The following MICAL3 variants were observed in gnomAD, a reference collection of about 807,000 sequenced individuals.
MICAL3 encodes [F-actin]-monooxygenase MICAL3.
MICAL3 carries 62 observed loss-of-function variants against 207.4 expected under a neutral mutation model. The ratio of observed to expected loss-of-function variants is 0.30; its 90% CI spans 0.24 to 0.37. The LOEUF is 0.37. Among genes scored for constraint, MICAL3 ranks in the 10% least tolerant of loss-of-function variants. The pLI is 1.00. For missense variants in MICAL3, 2,368 were observed against 2,635.6 expected (o/e 0.90, Z 2.22); for synonymous variants, 1,077 against 1,069.3 (o/e 1.01, Z -0.14).
rs1056693868 is a variant in MICAL3, at chr22:17,788,843, G to T, written c.*1889C>A. On this transcript the variant is annotated 3_prime_UTR_variant, in exon 32 of 32. Coordinates refer to ENST00000441493, the MANE Select transcript of MICAL3 (RefSeq NM_015241.3). Reference sequence around the variant, plus strand: ...AAGCACAGTGTGGTTCCCATGGAAAGCCCAAGGTCAGCACAGCCACTCAGC... The same window carrying T: ...AAGCACAGTGTGGTTCCCATGGAAATCCCAAGGTCAGCACAGCCACTCAGC... 1 of 152,438 alleles carries T rather than the reference G, an allele frequency of 6.6e-6. No homozygotes were observed. The highest frequency in any genetic ancestry group is 6.5e-5 in the Admixed American group (1 of 15,300). 9.4% of individuals were successfully genotyped at this position (152,438 alleles called of 1,614,324 possible).
chr22:17,874,308 GGACA>G (rs1182105669), intron 16 of MICAL3, among the ~76,000 whole-genome samples: 1 of 152,150 alleles, frequency 6.6e-6, no homozygotes, highest in Non-Finnish European at 1.5e-5. Context: ...CTGAGGCTTG[GGACA>G]GACAGACACC....
chr22:17,900,485 C>G lies in MICAL3; in HGVS notation c.847+357G>C, dbSNP rs1931230726. On this transcript the variant is annotated intron_variant, in intron 6 of 31. Coordinates refer to ENST00000441493, the MANE Select transcript of MICAL3 (RefSeq NM_015241.3). The surrounding 1 kb of genome is among the most constrained non-coding windows in gnomAD (Gnocchi z 4.0). ...GGCATGGTGGAGCTTGCCTGTAGTC[C>G]CAGCTACTCAGGAGGCTGAGATGGG... Among the ~76,000 whole-genome samples the G allele has an allele frequency of 6.6e-6, 1 of 152,038 alleles. No homozygotes were observed. Among genetic ancestry groups the G allele is most frequent in the South Asian group, 2.1e-4 (1 of 4,814 alleles).
At chr22:18,023,511 G>T (rs1433184786) in intron 1 of MICAL3, among the ~76,000 whole-genome samples, 1 of 152,218 alleles carries the variant, frequency 6.6e-6, no homozygotes, top group Non-Finnish European at 1.5e-5. Context: ...GAGAGAGGAG[G>T]GAAGGGGTTG....
At chr22:18,014,754 G>C (rs2063519564) in intron 1 of MICAL3, among the ~76,000 whole-genome samples, 1 of 152,196 alleles carries the variant, frequency 6.6e-6, no homozygotes, top group African/African-American at 2.4e-5. Context: ...AGCAATTTGG[G>C]AGGCTGAGGC....
intron 1 of MICAL3, among the ~76,000 whole-genome samples, chr22:17,909,960 G>A (rs1360959396): frequency 6.6e-6 from 1 of 152,222 alleles, no homozygotes; most frequent in Non-Finnish European, 1.5e-5. Flanking sequence ...TCCTGACCCT[G>A]TGTGCCCTGC....
At chr22:17,861,497 AT>A in intron 19 of MICAL3, 1 of 985,382 alleles carries the variant, frequency 1.0e-6, no homozygotes, top group Non-Finnish European at 1.2e-6. Flanking sequence ...TCCCTACTTC[AT>A]TTTTGGTCAT....
chr22:17,951,271 T>G (rs1339737873), intron 1 of MICAL3, among the ~76,000 whole-genome samples: 1 of 151,332 alleles, frequency 6.6e-6, no homozygotes, highest in East Asian at 1.9e-4. Flanking sequence ...GAGACAGGGA[T>G]CTGGACCCGG....
chr22:17,799,292 G>T (rs1222900994), intron 29 of MICAL3, among the ~76,000 whole-genome samples: 1 of 152,196 alleles, frequency 6.6e-6, no homozygotes, highest in Non-Finnish European at 1.5e-5. Context: ...TGAGGCAGGA[G>T]AATTGCTTGA....
At chr22:17,950,763 C>A (rs921312330) in intron 1 of MICAL3, among the ~76,000 whole-genome samples, 1 of 152,188 alleles carries the variant, frequency 6.6e-6, no homozygotes, top group Non-Finnish European at 1.5e-5. Flanking sequence ...GGGGAGGGAA[C>A]GACTGCTGTT....
intron 29 of MICAL3, among the ~76,000 whole-genome samples, chr22:17,800,061 A>G (rs192184230): frequency 6.6e-6 from 1 of 152,208 alleles, no homozygotes; most frequent in Non-Finnish European, 1.5e-5. Context: ...CAGGCAAACC[A>G]AGAACCTATC....
intron 1 of MICAL3, among the ~76,000 whole-genome samples, chr22:17,940,342 C>T (rs1477802722): frequency 1.3e-5 from 2 of 152,098 alleles, no homozygotes; most frequent in East Asian, 3.9e-4. Flanking sequence ...GGGATCAATG[C>T]TGCAGTGAGC....
At chr22:17,877,067 GGTTAGGGAA>G (rs1314638223) in intron 16 of MICAL3, among the ~76,000 whole-genome samples, 24 of 147,110 alleles carry the variant, frequency 1.6e-4, no homozygotes, top group Non-Finnish European at 2.3e-4. Context: ...AGGTTATGGA[GGTTAGGGAA>G]GTTATGGAGG....
intron 16 of MICAL3, among the ~76,000 whole-genome samples, chr22:17,877,166 GGTTAGGGAGGTTAGGGAA>G (rs1569109941): frequency 5.4e-5 from 6 of 111,486 alleles, no homozygotes; most frequent in South Asian, 2.6e-4. Context: ...AGGTTATGGA[GGTTAGGGAGGTTAGGGAA>G]GTTATGGAGG....
At chr22:18,017,985 C>T (rs1368713176) in intron 1 of MICAL3, among the ~76,000 whole-genome samples, 2 of 151,750 alleles carry the variant, frequency 1.3e-5, no homozygotes, top group Non-Finnish European at 2.9e-5. Flanking sequence ...CTCCTGACCT[C>T]GTGATCCACC....
At chr22:17,819,247 G>T in intron 25 of MICAL3, 118 bp from the exon 26 acceptor site, 2 of 1,064,928 alleles carry the variant, frequency 1.9e-6, no homozygotes, top group Non-Finnish European at 1.3e-6. Flanking sequence ...GGACTTCCCC[G>T]TCCTTCCAGC....
At chr22:17,899,277 G>T in intron 7 of MICAL3, 171 bp downstream of exon 7, 1 of 680,334 alleles carries the variant, frequency 1.5e-6, no homozygotes, top group Non-Finnish European at 2.7e-6. Context: ...TTTGAAATTA[G>T]CCATAGTTAA....
In MICAL3 at chr22:17,793,073, G is replaced by A. The variant is rs1348082384; in HGVS notation, c.5651-1772C>T. On this transcript the variant is annotated intron_variant, in intron 29 of 31. Transcript: ENST00000441493. This position sits in a 1 kb window ranked among gnomAD's most constrained non-coding sequence, Gnocchi z 4.1. ...ATGCCACCGGAGACGTGCGGACAGCGCTCACTAGCTATGGAGAGCTCGCCC... is the reference window on the plus strand; with the variant it reads ...ATGCCACCGGAGACGTGCGGACAGCACTCACTAGCTATGGAGAGCTCGCCC... Among the ~76,000 whole-genome samples, 1 of 152,168 alleles carries A rather than the reference G, an allele frequency of 6.6e-6. No individual in the cohort carries two copies. Among genetic ancestry groups the A allele is most frequent in the African/African-American group, 2.4e-5 (1 of 41,454 alleles).
intron 18 of MICAL3, 81 bp downstream of exon 18, chr22:17,865,843 C>T: frequency 3.5e-6 from 4 of 1,138,136 alleles, no homozygotes; most frequent in Non-Finnish European, 5.3e-6. Context: ...GGGGCATTTG[C>T]AGGTTGGCCG....
chr22:17,843,826 G>GT (rs1924329174), intron 19 of MICAL3, among the ~76,000 whole-genome samples: 1 of 151,982 alleles, frequency 6.6e-6, no homozygotes, highest in Admixed American at 6.6e-5. Flanking sequence ...ACAGTGCCAT[G>GT]TGGTAGCAGC....
Sources: gnomAD v4.1 joint callset for allele counts (sites outside exome capture counted in the v4.1 genomes callset) on GRCh38, gnomAD v4.1.1 for gene constraint, Gnocchi (gnomAD v3.1) non-coding constraint, MANE v1.5 for transcripts, NCBI Gene and HGNC (gene_info 2026-07-23, HGNC 2026-07-21) for gene names.